TRPM3: variants seen among roughly 807,000 people sequenced by gnomAD.
TRPM3 encodes the protein long transient receptor potential channel 3.
Under a neutral mutation model 181.2 loss-of-function variants are expected in TRPM3, and 77 were observed. That is an observed-to-expected ratio of 0.42 (90% confidence interval 0.35 to 0.51). The LOEUF (loss-of-function observed/expected upper bound fraction) is 0.51, where lower values mean the gene tolerates loss of function less well. Among genes scored for constraint, TRPM3 ranks in the 20% least tolerant of loss-of-function variants. The probability of loss-of-function intolerance (pLI) is 0.01; values close to 1 mark genes in which losing one functional copy is unlikely to be tolerated. For synonymous variants in TRPM3, 745 were observed against 796.4 expected (o/e 0.94, Z 1.09); for missense variants, 1,759 against 2,196.7 (o/e 0.80, Z 3.98).
At chr9:71,414,506 A>G in intron 1 of TRPM3, among the ~76,000 whole-genome samples, 1 of 152,112 alleles carries the variant, frequency 6.6e-6, no homozygotes, top group Admixed American at 6.6e-5. Flanking sequence ...TAAAATCATT[A>G]AGATCTATTC....
chr9:70,750,292 G>A (rs556584267), intron 8 of TRPM3, among the ~76,000 whole-genome samples: 2 of 152,288 alleles, frequency 1.3e-5, no homozygotes, highest in Admixed American at 6.5e-5. Context: ...ATTATAGGCT[G>A]GGAAACAGGG....
intron 8 of TRPM3, among the ~76,000 whole-genome samples, chr9:70,739,940 A>G (rs1175130277): frequency 6.6e-6 from 1 of 152,114 alleles, no homozygotes; most frequent in Admixed American, 6.6e-5. Context: ...TACCACTTCT[A>G]TTCAACATAG....
At chr9:71,122,718 C>T (rs1015531113), upstream of TRPM3, among the ~76,000 whole-genome samples, 7 of 152,252 alleles carry the variant, frequency 4.6e-5, no homozygotes, top group South Asian at 2.1e-4. Flanking sequence ...TGACACACTG[C>T]GCTACAACAC....
intron 6 of TRPM3, among the ~76,000 whole-genome samples, chr9:70,816,457 C>T (rs1044309252): frequency 2.0e-5 from 3 of 152,210 alleles, no homozygotes; most frequent in African/African-American, 7.2e-5. Flanking sequence ...CTTTTATTCC[C>T]TGAGACAGGT....
chr9:71,082,418 T>G (rs1015981964), intron 1 of TRPM3, among the ~76,000 whole-genome samples: 2 of 152,166 alleles, frequency 1.3e-5, no homozygotes, highest in African/African-American at 4.8e-5. Flanking sequence ...TGTCTTCTCA[T>G]GTAATACCTA....
chr9:70,642,728 C>A (rs1326468989), intron 9 of TRPM3, among the ~76,000 whole-genome samples: 1 of 152,178 alleles, frequency 6.6e-6, no homozygotes, highest in Non-Finnish European at 1.5e-5. Flanking sequence ...GAGATACTGA[C>A]GTTATAAATT....
intron 1 of TRPM3, among the ~76,000 whole-genome samples, chr9:71,096,590 A>ACACACACTCTCTCTCTCT (rs1452142664): frequency 1.1e-4 from 10 of 89,994 alleles, no homozygotes; most frequent in African/African-American, 5.2e-4. Context: ...ACACACACAC[A>ACACACACTCTCTCTCTCT]CTCTCTCTCT....
intron 1 of TRPM3, among the ~76,000 whole-genome samples, chr9:71,320,253 G>C (rs907867316): frequency 6.6e-6 from 1 of 151,884 alleles, no homozygotes; most frequent in Admixed American, 6.6e-5. Flanking sequence ...GCAATACAGA[G>C]TGAAGCCAAT....
chr9:70,756,986 C>A (rs966341301), intron 8 of TRPM3, among the ~76,000 whole-genome samples: 4 of 151,984 alleles, frequency 2.6e-5, no homozygotes, highest in African/African-American at 9.7e-5. Context: ...TAACTAAGAT[C>A]AGAGCAGAAC....
At chr9:70,899,094 A>C (rs770182084) in intron 1 of TRPM3, among the ~76,000 whole-genome samples, 1 of 152,232 alleles carries the variant, frequency 6.6e-6, no homozygotes, top group Non-Finnish European at 1.5e-5. Flanking sequence ...TTCCTAGAGA[A>C]AGAAGGAGGA....
rs141749205 is a variant in TRPM3, at chr9:71,168,644, T to A, written c.183+278009A>T. On this transcript the variant is annotated intron_variant, in intron 1 of 24. Transcript: ENST00000357533. ...TATTATTTTTTTATTATTTTTTATT[T>A]TTTTTTTTATTATTACTATCCCTGA... Among the ~76,000 whole-genome samples, 260 of 147,318 alleles carry A rather than the reference T, an allele frequency of 1.8e-3. 2 individuals carry two copies. The highest frequency in any genetic ancestry group is 6.2e-3 in the African/African-American group (251 of 40,774).
At chr9:71,276,516 A>T (rs1036766051) in intron 1 of TRPM3, among the ~76,000 whole-genome samples, 2 of 152,324 alleles carry the variant, frequency 1.3e-5, no homozygotes, top group African/African-American at 4.8e-5. Flanking sequence ...ATAATCACAA[A>T]TTTTACAAGA....
intron 1 of TRPM3, among the ~76,000 whole-genome samples, chr9:71,307,118 C>T (rs2087421102): frequency 1.3e-5 from 2 of 152,118 alleles, no homozygotes; most frequent in Non-Finnish European, 1.5e-5. Flanking sequence ...ATCTGGAATG[C>T]CTGAGTGGGA....
rs867060879 is a variant in TRPM3, at chr9:70,841,654, A to G, written c.801+1349T>C. Among the ~76,000 whole-genome samples, 9 of 123,718 alleles carry G rather than the reference A, an allele frequency of 7.3e-5. No homozygotes were observed. The South Asian group carries it at 1.6e-3, about 22-fold the overall frequency. 81.2% of individuals were successfully genotyped at this position (123,718 alleles called of 152,430 possible). ...TATATATATATATATATATATATAT[A>G]TATATATCCCACCATATATATGTAT... On this transcript the variant is annotated intron_variant, in intron 5 of 25. Coordinates refer to ENST00000677713, the MANE Select transcript of TRPM3 (RefSeq NM_001366145.2).
intron 7 of TRPM3, among the ~76,000 whole-genome samples, chr9:70,763,897 A>G (rs1418328607): frequency 6.6e-6 from 1 of 152,218 alleles, no homozygotes; most frequent in Admixed American, 6.5e-5. Flanking sequence ...TATCTGAGAC[A>G]TGAATGAATG....
chr9:70,629,896 G>A (rs1024719384), intron 12 of TRPM3, among the ~76,000 whole-genome samples: 2 of 152,136 alleles, frequency 1.3e-5, no homozygotes, highest in African/African-American at 4.8e-5. Flanking sequence ...AACCTTCTTC[G>A]GGAGGAAGAA....
chr9:71,112,977 G>A (rs2071471738), intron 1 of TRPM3, among the ~76,000 whole-genome samples: 2 of 152,156 alleles, frequency 1.3e-5, no homozygotes, highest in African/African-American at 2.4e-5. Context: ...ATGATTTGAG[G>A]AGGGGAAAAA....
chr9:71,046,485 T>C (rs625699), intron 1 of TRPM3, among the ~76,000 whole-genome samples: 34,875 of 152,120 alleles, frequency 0.23, 4,736 homozygotes, highest in East Asian at 0.33. Context: ...GCCCATAAAG[T>C]ATCAAGGGAA....
At chr9:70,668,104 C>T (rs1590027759) in intron 9 of TRPM3, among the ~76,000 whole-genome samples, 1 of 152,164 alleles carries the variant, frequency 6.6e-6, no homozygotes, top group African/African-American at 2.4e-5. Flanking sequence ...AAAGTTTAGT[C>T]ATCATTGACT....
Sources: allele counts gnomAD v4.1 joint callset (sites outside exome capture counted in the v4.1 genomes callset), GRCh38; gene constraint gnomAD v4.1.1; transcripts MANE v1.5; gene names NCBI Gene and HGNC (gene_info 2026-07-23, HGNC 2026-07-21).